Variants in CCBE1 observed in about 807,000 individuals in gnomAD.
CCBE1 encodes collagen and calcium-binding EGF domain-containing protein 1.
Under a neutral mutation model 50.0 loss-of-function variants are expected in CCBE1, and 37 were observed. The ratio of observed to expected loss-of-function variants is 0.74; its 90% CI spans 0.57 to 0.97. The LOEUF is 0.97. Ranked by LOEUF, CCBE1 falls within the 50% of genes least tolerant of loss-of-function variation. CCBE1 has a pLI of 0.00. For missense variants in CCBE1, 538 were observed against 523.8 expected, an observed-to-expected ratio of 1.03 and a Z score of -0.26; for synonymous variants, 234 against 203.7, an observed-to-expected ratio of 1.15 and a Z score of -1.27.
intron 2 of CCBE1, among the ~76,000 whole-genome samples, chr18:59,482,195 A>G (rs562573873): frequency 1.5e-3 from 223 of 152,316 alleles, no homozygotes; most frequent in African/African-American, 5.1e-3. Flanking sequence ...ACTTTCATCC[A>G]TGTCCCTGCA....
chr18:59,448,781 T>C lies in CCBE1; in HGVS notation c.655-678A>G, dbSNP rs897435273. Among the ~76,000 whole-genome samples, 5 of 152,232 alleles carry C rather than the reference T, an allele frequency of 3.3e-5. No homozygotes were observed. The East Asian group carries it at 9.6e-4, about 29-fold the overall frequency. ...CCTGTGATTGTTACTCAGAATTCAG[T>C]AGGGATGACTGTAAGAATCAAAATC... is the stretch of plus-strand genomic sequence containing the variant. On this transcript the variant is annotated intron_variant, in intron 6 of 10. Coordinates refer to ENST00000439986, the MANE Select transcript of CCBE1 (RefSeq NM_133459.4).
chr18:59,629,846 G>A (rs1451168932), intron 2 of CCBE1, among the ~76,000 whole-genome samples: 1 of 152,168 alleles, frequency 6.6e-6, no homozygotes, highest in Non-Finnish European at 1.5e-5. Flanking sequence ...TAGCAGGCGA[G>A]CCAGGAGGGC....
intron 2 of CCBE1, among the ~76,000 whole-genome samples, chr18:59,689,371 G>A (rs185438628): frequency 2.0e-4 from 31 of 152,344 alleles, no homozygotes; most frequent in Middle Eastern, 3.4e-3. Context: ...AAGTCCTCAA[G>A]GTCATGGTAA....
At chr18:59,608,994 A>G (rs1343256957) in intron 2 of CCBE1, among the ~76,000 whole-genome samples, 1 of 152,170 alleles carries the variant, frequency 6.6e-6, no homozygotes, top group Non-Finnish European at 1.5e-5. Context: ...GTGCTCTGTG[A>G]TGGGAAACCC....
chr18:59,627,836 C>A (rs559954483), intron 2 of CCBE1, among the ~76,000 whole-genome samples: 2 of 152,232 alleles, frequency 1.3e-5, no homozygotes, highest in Admixed American at 6.5e-5. Flanking sequence ...TTTTAAGACA[C>A]AATTTGTTGC....
intron 2 of CCBE1, among the ~76,000 whole-genome samples, chr18:59,576,659 T>A (rs1217882977): frequency 6.6e-6 from 1 of 152,190 alleles, no homozygotes; most frequent in Non-Finnish European, 1.5e-5. Context: ...GAGTGAGGCT[T>A]GCATGTGGTT....
At chr18:59,696,833 G>GCTGGTC (rs1275404896) in intron 1 of CCBE1, 124 bp from the exon 2 acceptor site, 13 of 1,087,596 alleles carry the variant, frequency 1.2e-5, no homozygotes, top group Non-Finnish European at 1.8e-5. Flanking sequence ...CTGGGCAGGG[G>GCTGGTC]CTGGTCCCCA....
chr18:59,492,364 A>G (rs764217629), intron 2 of CCBE1, among the ~76,000 whole-genome samples: 20 of 152,104 alleles, frequency 1.3e-4, no homozygotes, highest in Non-Finnish European at 1.2e-4. Flanking sequence ...ACCGAAATCC[A>G]AATTACAGCT....
intron 3 of CCBE1, among the ~76,000 whole-genome samples, chr18:59,477,452 G>A (rs917360919): frequency 6.6e-6 from 1 of 152,110 alleles, no homozygotes; most frequent in African/African-American, 2.4e-5. Flanking sequence ...ACATGTATCA[G>A]CTATGACCAC....
At chr18:59,475,044 G>C (rs1219418091) in intron 3 of CCBE1, among the ~76,000 whole-genome samples, 2 of 152,146 alleles carry the variant, frequency 1.3e-5, no homozygotes, top group East Asian at 3.9e-4. Flanking sequence ...ATTTTCTGGA[G>C]GAGGCAAGAT....
chr18:59,696,751 G>T, intron 1 of CCBE1, 42 bp from the exon 2 acceptor site: 1 of 1,599,762 alleles, frequency 6.3e-7, no homozygotes. Context: ...CTCAGCGGGA[G>T]AGCGGAGGCG....
intron 3 of CCBE1, among the ~76,000 whole-genome samples, chr18:59,470,626 G>C (rs912632691): frequency 5.9e-5 from 9 of 152,032 alleles, no homozygotes; most frequent in African/African-American, 2.2e-4. Flanking sequence ...TAAAGAATTA[G>C]GGCATCTGCT....
chr18:59,448,188 C>T, intron 6 of CCBE1, 85 bp from the exon 7 acceptor site: 5 of 1,579,430 alleles, frequency 3.2e-6, no homozygotes, highest in Non-Finnish European at 3.4e-6. Flanking sequence ...AGCTGCAAAG[C>T]CTTTTCATGA....
intron 2 of CCBE1, among the ~76,000 whole-genome samples, chr18:59,486,836 G>A (rs1912844830): frequency 1.3e-5 from 2 of 151,882 alleles, no homozygotes; most frequent in Admixed American, 1.3e-4. Context: ...TATTCTTTTG[G>A]AAAACTATAC....
At chr18:59,609,561 TCA>T (rs1235095338) in intron 2 of CCBE1, among the ~76,000 whole-genome samples, 1 of 152,222 alleles carries the variant, frequency 6.6e-6, no homozygotes, top group Non-Finnish European at 1.5e-5. Context: ...GTTCTACCTC[TCA>T]GTGTTTCTTA....
At chr18:59,680,680 C>CCT (rs2054577236) in intron 2 of CCBE1, among the ~76,000 whole-genome samples, 1 of 150,428 alleles carries the variant, frequency 6.6e-6, no homozygotes, top group Non-Finnish European at 1.5e-5. Flanking sequence ...GCCTGGGAGA[C>CCT]AGAGCGAGAC....
At chr18:59,630,201 T>C (rs1211516337) in intron 2 of CCBE1, among the ~76,000 whole-genome samples, 2 of 151,854 alleles carry the variant, frequency 1.3e-5, no homozygotes, top group Non-Finnish European at 2.9e-5. Flanking sequence ...GCTCTGACAT[T>C]AAAGGGGGCA....
chr18:59,696,593 G>A (rs755782819), intron 2 of CCBE1, 36 bp downstream of exon 2: 15 of 1,612,018 alleles, frequency 9.3e-6, no homozygotes, highest in South Asian at 7.7e-5. Flanking sequence ...GCCCCGGTGC[G>A]CAGTGGCGAA....
At chr18:59,637,868 C>A (rs2053934433) in intron 2 of CCBE1, among the ~76,000 whole-genome samples, 1 of 152,038 alleles carries the variant, frequency 6.6e-6, no homozygotes, top group African/African-American at 2.4e-5. Flanking sequence ...AAATAAAAAC[C>A]AGGCCTGGAT....
Sources: allele counts gnomAD v4.1 joint callset (sites outside exome capture counted in the v4.1 genomes callset), GRCh38; gene constraint gnomAD v4.1.1; transcripts MANE v1.5; gene names NCBI Gene and HGNC (gene_info 2026-07-23, HGNC 2026-07-21).